CSMD3: variants seen among roughly 807,000 people sequenced by gnomAD.
CSMD3 encodes the protein CUB and sushi domain-containing protein 3.
In CSMD3, 177 loss-of-function variants were observed where a neutral mutation model predicts 435.2. The ratio of observed to expected loss-of-function variants is 0.41; its 90% CI spans 0.36 to 0.46. CSMD3 has a LOEUF of 0.46. Among genes scored for constraint, CSMD3 ranks in the 20% least tolerant of loss-of-function variants. The pLI is 0.34. For synonymous variants in CSMD3, 1,656 were observed against 1,520.5 expected, an observed-to-expected ratio of 1.09 and a Z score of -2.07; for missense variants, 4,265 against 4,504.6, an observed-to-expected ratio of 0.95 and a Z score of 1.52.
chr8:112,931,891 T>A (rs1191393600), intron 9 of CSMD3, among the ~76,000 whole-genome samples: 2 of 151,978 alleles, frequency 1.3e-5, no homozygotes. Flanking sequence ...AAAACCACAA[T>A]CAGATATCAT....
intron 13 of CSMD3, among the ~76,000 whole-genome samples, chr8:112,720,047 G>A (rs1371078811): frequency 1.1e-4 from 17 of 152,120 alleles, no homozygotes; most frequent in Admixed American, 1.0e-3. Context: ...GGGTTTCTCT[G>A]AAGGCAAATC....
chr8:112,437,354 CAGT>C (rs1563944910), intron 32 of CSMD3, among the ~76,000 whole-genome samples: 1 of 151,970 alleles, frequency 6.6e-6, no homozygotes, highest in Non-Finnish European at 1.5e-5. Context: ...AAGAGTAAAA[CAGT>C]AGTTCAATGT....
intron 32 of CSMD3, among the ~76,000 whole-genome samples, chr8:112,422,911 T>C (rs1173092765): frequency 6.6e-6 from 1 of 152,152 alleles, no homozygotes; most frequent in Admixed American, 6.5e-5. Flanking sequence ...AATATCAATG[T>C]GGGAAGAGGT....
At chr8:112,477,063 G>T (rs1001965890) in intron 31 of CSMD3, among the ~76,000 whole-genome samples, 2 of 152,070 alleles carry the variant, frequency 1.3e-5, no homozygotes, top group African/African-American at 2.4e-5. Context: ...GCAAGACCAG[G>T]CTACTATAAA....
chr8:112,297,484 T>G (rs1414493502), intron 53 of CSMD3, among the ~76,000 whole-genome samples: 1 of 152,110 alleles, frequency 6.6e-6, no homozygotes, highest in African/African-American at 2.4e-5. Context: ...TCTATGTAAT[T>G]ATTTCAATCT....
intron 2 of CSMD3, among the ~76,000 whole-genome samples, chr8:113,292,408 G>A (rs188389083): frequency 2.0e-4 from 30 of 151,606 alleles, no homozygotes; most frequent in African/African-American, 6.5e-4. Flanking sequence ...TTTATCATTA[G>A]ATCAACAAAA....
At chr8:113,346,376 C>T (rs2094151201) in intron 1 of CSMD3, among the ~76,000 whole-genome samples, 1 of 151,942 alleles carries the variant, frequency 6.6e-6, no homozygotes, top group Admixed American at 6.6e-5. Context: ...GATGAATGAA[C>T]TTAAAAAATC....
At chr8:112,511,960 GT>G (rs1823189552) in intron 28 of CSMD3, among the ~76,000 whole-genome samples, 1 of 152,036 alleles carries the variant, frequency 6.6e-6, no homozygotes, top group South Asian at 2.1e-4. Flanking sequence ...CTCCTCATTC[GT>G]TCAAGTTTTA....
intron 13 of CSMD3, among the ~76,000 whole-genome samples, chr8:112,724,913 A>C (rs918355627): frequency 2.0e-5 from 3 of 152,206 alleles, no homozygotes; most frequent in Admixed American, 2.0e-4. Context: ...CTGATCTGTC[A>C]AGTAAAAAGT....
chr8:112,304,598 T>A, intron 52 of CSMD3, 123 bp downstream of exon 52: 4 of 760,310 alleles, frequency 5.3e-6, no homozygotes, highest in South Asian at 4.6e-5. Context: ...GTAACGAGAA[T>A]AAATGACCAT....
intron 6 of CSMD3, among the ~76,000 whole-genome samples, chr8:112,984,006 T>C (rs2085154593): frequency 1.3e-5 from 2 of 151,952 alleles, no homozygotes; most frequent in South Asian, 2.1e-4. Flanking sequence ...AATTAATTAG[T>C]AGAAGGAGTT....
chr8:113,344,018 T>G (rs918004367), intron 1 of CSMD3, among the ~76,000 whole-genome samples: 1 of 152,300 alleles, frequency 6.6e-6, no homozygotes, highest in East Asian at 1.9e-4. Context: ...ATCCTTCATA[T>G]TTTTAGGTAT....
intron 11 of CSMD3, among the ~76,000 whole-genome samples, chr8:112,840,282 T>C (rs568176510): frequency 5.9e-5 from 9 of 151,932 alleles, no homozygotes; most frequent in Admixed American, 5.9e-4. Flanking sequence ...TTGCTACGGG[T>C]AATGTGGACA....
intron 10 of CSMD3, among the ~76,000 whole-genome samples, chr8:112,892,112 T>C (rs1207044848): frequency 6.6e-6 from 1 of 151,658 alleles, no homozygotes; most frequent in Non-Finnish European, 1.5e-5. Flanking sequence ...GTTTATATTT[T>C]CCATTAATTT....
chr8:113,381,584 A>G (rs770315913), intron 1 of CSMD3, among the ~76,000 whole-genome samples: 2 of 152,088 alleles, frequency 1.3e-5, no homozygotes, highest in African/African-American at 2.4e-5. Flanking sequence ...TTATTAAGCA[A>G]ACATTCAAAA....
At position 112,234,492 on chromosome 8, in the gene CSMD3, G is replaced by A. The variant is rs1211872570; in HGVS notation, c.10628-15C>T. 1 of 1,384,584 alleles carries A rather than the reference G, an allele frequency of 7.2e-7. No individual in the cohort carries two copies. The highest frequency in any genetic ancestry group is 1.0e-6 in the Non-Finnish European group (1 of 971,204). The allele number at this position is 1,384,584 out of a possible 1,614,324, so 85.8% of individuals were successfully genotyped here. On this transcript the variant is annotated splice_polypyrimidine_tract_variant and intron_variant, in intron 67 of 70. Coordinates refer to ENST00000297405, the MANE Select transcript of CSMD3 (RefSeq NM_198123.2). ...TTTATATACCCCTGTAAAATGCAAG[G>A]ACATTTTAGTCTACTTAACTTTGTA... is the stretch of plus-strand genomic sequence containing the variant.
chr8:112,244,396 TC>T lies in CSMD3; in HGVS notation c.10399del (p.Glu3467LysfsTer8). The T allele has an allele frequency of 6.2e-7, 1 of 1,612,616 alleles. No individual in the cohort carries two copies. Among genetic ancestry groups the T allele is most frequent in the East Asian group, 2.2e-5 (1 of 44,822 alleles). On this transcript the variant is annotated frameshift_variant, in exon 65 of 71. Transcript: ENST00000297405. LOFTEE classifies it high-confidence loss of function. ...NTWTGKVPIC[E>X]AGSKILVKDP... ...AAGATTCTATAGAGAAAACTTACCT[TC>T]ACAAATGGGAACTTTTCCAGTCCAG...
rs530655868 is a variant in CSMD3 at position 113,073,460 on chromosome 8, G to C, written c.917+25296C>G. Among the ~76,000 whole-genome samples, 3 of 151,910 alleles carry C rather than the reference G, an allele frequency of 2.0e-5. No individual in the cohort carries two copies. The South Asian group carries it at 6.2e-4, about 32-fold the overall frequency. ...ATTCTTACTGCTCACTAGAACTCATGGTTTCCTATAAGGCAACCCCCTGCA... is the reference window on the plus strand; with the variant it reads ...ATTCTTACTGCTCACTAGAACTCATCGTTTCCTATAAGGCAACCCCCTGCA... On this transcript the variant is annotated intron_variant, in intron 5 of 70. Coordinates refer to ENST00000297405, the MANE Select transcript of CSMD3 (RefSeq NM_198123.2).
chr8:113,062,716 A>G (rs796822575), intron 5 of CSMD3, among the ~76,000 whole-genome samples: 1 of 151,816 alleles, frequency 6.6e-6, no homozygotes, highest in South Asian at 2.1e-4. Context: ...TTTGACAAAA[A>G]TCTAGGTGTA....
Sources: allele counts gnomAD v4.1 joint callset (sites outside exome capture counted in the v4.1 genomes callset), GRCh38; gene constraint gnomAD v4.1.1; transcripts MANE v1.5; gene names NCBI Gene and HGNC (gene_info 2026-07-23, HGNC 2026-07-21).